The following HECW1 variants were observed in gnomAD, a reference collection of about 807,000 sequenced individuals.
HECW1 encodes E3 ubiquitin-protein ligase HECW1.
A neutral mutation model predicts 182.3 loss-of-function variants in HECW1; 61 were observed. The observed-to-expected ratio is 0.33, with a 90% confidence interval of 0.27 to 0.41. HECW1 has a LOEUF of 0.41. Among genes scored for constraint, HECW1 ranks in the 10% least tolerant of loss-of-function variants. The pLI, the probability that HECW1 is intolerant of heterozygous loss-of-function variation, is 1.00. For synonymous variants in HECW1, 859 were observed against 832.6 expected (o/e 1.03, Z -0.55); for missense variants, 1,739 against 2,108.9 (o/e 0.82, Z 3.44).
intron 4 of HECW1, among the ~76,000 whole-genome samples, 179 bp downstream of exon 4, chr7:43,312,266 C>T (rs1808628801): frequency 6.6e-6 from 1 of 152,230 alleles, no homozygotes; most frequent in Non-Finnish European, 1.5e-5. Flanking sequence ...AATAAGGTCT[C>T]TCTTGCCATC....
intron 24 of HECW1, among the ~76,000 whole-genome samples, chr7:43,524,134 A>C (rs555845579): frequency 6.6e-6 from 1 of 152,314 alleles, no homozygotes; most frequent in South Asian, 2.1e-4. Flanking sequence ...CCTAGATCTT[A>C]ACAAACACCC....
intron 15 of HECW1, 50 bp downstream of exon 15, chr7:43,466,618 A>T: frequency 6.3e-7 from 1 of 1,587,948 alleles, no homozygotes; most frequent in Non-Finnish European, 8.6e-7. Flanking sequence ...CAAGACCCAA[A>T]ACACAGCTTT....
At chr7:43,181,077 C>T (rs186150838) in intron 2 of HECW1, among the ~76,000 whole-genome samples, 1 of 143,898 alleles carries the variant, frequency 6.9e-6, no homozygotes, top group African/African-American at 3.0e-5. Context: ...TAAGATTCCA[C>T]ATATGAGGGA....
At chr7:43,188,576 C>T (rs1325697234) in intron 2 of HECW1, among the ~76,000 whole-genome samples, 1 of 152,170 alleles carries the variant, frequency 6.6e-6, no homozygotes, top group Non-Finnish European at 1.5e-5. Flanking sequence ...GAATCACAGG[C>T]AACTAAAATG....
intron 5 of HECW1, 101 bp from the exon 6 acceptor site, chr7:43,360,785 G>T: frequency 1.2e-6 from 1 of 859,736 alleles, no homozygotes; most frequent in Non-Finnish European, 2.0e-6. Context: ...TTGCTCGTGG[G>T]GGAATTATGT....
chr7:43,225,758 A>G (rs1797368168), intron 2 of HECW1, among the ~76,000 whole-genome samples: 1 of 152,214 alleles, frequency 6.6e-6, no homozygotes, highest in Non-Finnish European at 1.5e-5. Context: ...TATAGAATCT[A>G]CATAGGATGC....
chr7:43,141,396 G>A (rs772616792), intron 2 of HECW1, among the ~76,000 whole-genome samples: 6 of 152,212 alleles, frequency 3.9e-5, no homozygotes, highest in Non-Finnish European at 5.9e-5. Flanking sequence ...ACCTGGGGCT[G>A]AGCCCTTTGA....
intron 3 of HECW1, among the ~76,000 whole-genome samples, chr7:43,296,208 G>A (rs922971895): frequency 6.6e-6 from 1 of 152,078 alleles, no homozygotes; most frequent in Admixed American, 6.5e-5. Context: ...CTTGTAAAAC[G>A]CATGAAGGAA....
At chr7:43,231,102 G>C (rs2152709117) in intron 2 of HECW1, among the ~76,000 whole-genome samples, 1 of 152,310 alleles carries the variant, frequency 6.6e-6, no homozygotes, top group Non-Finnish European at 1.5e-5. Context: ...CTATGAAGTA[G>C]ATAGAATTCT....
At chr7:43,125,871 G>A (rs1042199793) in intron 2 of HECW1, among the ~76,000 whole-genome samples, 1 of 151,592 alleles carries the variant, frequency 6.6e-6, no homozygotes, top group Non-Finnish European at 1.5e-5. Flanking sequence ...GATGGAGGCT[G>A]GTCCTGTCCC....
chr7:43,417,775 A>G (rs1271298043), intron 8 of HECW1, among the ~76,000 whole-genome samples: 2 of 152,118 alleles, frequency 1.3e-5, no homozygotes, highest in Non-Finnish European at 2.9e-5. Flanking sequence ...GATTTAAATC[A>G]TTGTTGCTTT....
chr7:43,290,894 G>A (rs1258773492), intron 3 of HECW1, among the ~76,000 whole-genome samples: 1 of 152,178 alleles, frequency 6.6e-6, no homozygotes, highest in African/African-American at 2.4e-5. Context: ...TCAGTCCAGG[G>A]AGAATAGCAG....
chr7:43,141,468 C>T (rs1275252353), intron 2 of HECW1, among the ~76,000 whole-genome samples: 5 of 152,048 alleles, frequency 3.3e-5, no homozygotes, highest in African/African-American at 1.2e-4. Context: ...TGACATTTCT[C>T]TTGGGTTTTA....
chr7:43,230,861 TA>T (rs1283638990), intron 2 of HECW1, among the ~76,000 whole-genome samples: 30 of 151,898 alleles, frequency 2.0e-4, no homozygotes, highest in Non-Finnish European at 7.4e-5. Flanking sequence ...AACTTCTCTG[TA>T]AGTCTGAAAG....
At chr7:43,335,910 TC>T (rs1196665957) in intron 5 of HECW1, among the ~76,000 whole-genome samples, 3 of 111,408 alleles carry the variant, frequency 2.7e-5, no homozygotes, top group African/African-American at 1.1e-4. Flanking sequence ...TCTGTCTTTA[TC>T]TCTTTCTCTC....
At chr7:43,252,384 C>T (rs1388067731) in intron 3 of HECW1, among the ~76,000 whole-genome samples, 3 of 152,200 alleles carry the variant, frequency 2.0e-5, no homozygotes, top group Non-Finnish European at 4.4e-5. Flanking sequence ...TGTGTACTTA[C>T]ACCCAAGAAC....
At chr7:43,396,336 G>A (rs1265073454) in intron 6 of HECW1, among the ~76,000 whole-genome samples, 1 of 152,180 alleles carries the variant, frequency 6.6e-6, no homozygotes, top group East Asian at 1.9e-4. Context: ...TTAATGCCTT[G>A]TTCAGGCTCC....
intron 24 of HECW1, among the ~76,000 whole-genome samples, chr7:43,539,454 G>A (rs904377846): frequency 4.6e-5 from 7 of 152,024 alleles, no homozygotes; most frequent in African/African-American, 1.2e-4. Flanking sequence ...TGTGGTTATC[G>A]GTCTATTTAA....
intron 16 of HECW1, among the ~76,000 whole-genome samples, chr7:43,477,913 T>C (rs1327737553): frequency 2.0e-5 from 3 of 152,228 alleles, no homozygotes; most frequent in African/African-American, 7.2e-5. Flanking sequence ...CTAGCATTGA[T>C]TGAGGTCATT....
Sources: allele counts gnomAD v4.1 joint callset (sites outside exome capture counted in the v4.1 genomes callset), GRCh38; gene constraint gnomAD v4.1.1; transcripts MANE v1.5; gene names NCBI Gene and HGNC (gene_info 2026-07-23, HGNC 2026-07-21).